ZNF483: variants seen among roughly 807,000 people sequenced by gnomAD.
The protein encoded by ZNF483 is zinc finger protein HIT-10.
A neutral mutation model predicts 28.6 loss-of-function variants in ZNF483; 9 were observed. The observed-to-expected ratio is 0.32, with a 90% CI of 0.19 to 0.55. The LOEUF is 0.55. Ranked by LOEUF, ZNF483 falls within the 20% of genes least tolerant of loss-of-function variation. The pLI, the probability that ZNF483 is intolerant of heterozygous loss-of-function variation, is 0.93. For synonymous variants in ZNF483, 322 were observed against 306.2 expected, an observed-to-expected ratio of 1.05 and a Z score of -0.54; for missense variants, 675 against 871.7, an observed-to-expected ratio of 0.77 and a Z score of 2.84.
At chr9:111,525,455 A>G in intron 1 of ZNF483, among the ~76,000 whole-genome samples, 193 bp downstream of exon 1, 1 of 152,136 alleles carries the variant, frequency 6.6e-6, no homozygotes, top group East Asian at 1.9e-4. Context: ...TCCCTGCGCC[A>G]CTTGGGCACT....
rs1271400975 is a variant in ZNF483, at chr9:111,553,815, A to G, written c.*10645A>G. ...TTCTCACTAGCCTCAAGTGACTACC[A>G]TATTAAGTTGCTCTACGCAATCCTA... On this transcript the variant is annotated 3_prime_UTR_variant, in exon 6 of 6. Transcript: ENST00000309235. Among the ~76,000 whole-genome samples, 1 of 152,254 alleles carries G rather than the reference A, an allele frequency of 6.6e-6. No homozygotes were observed. The highest frequency in any genetic ancestry group is 1.5e-5 in the Non-Finnish European group (1 of 68,048).
At chr9:111,572,473 C>T (rs1024851901) in intron 5 of ZNF483, among the ~76,000 whole-genome samples, 1 of 152,042 alleles carries the variant, frequency 6.6e-6, no homozygotes, top group Non-Finnish European at 1.5e-5. Context: ...GCCTGTAATC[C>T]CAGCTACTCA....
chr9:111,563,104 T>C (rs754164733), intron 5 of ZNF483: 1 of 1,611,312 alleles, frequency 6.2e-7, no homozygotes, highest in Non-Finnish European at 8.5e-7. Flanking sequence ...GCCTCCAGAT[T>C]CCATGTGTCC....
chr9:111,574,669 A>G, intron 5 of ZNF483: 5 of 1,080,336 alleles, frequency 4.6e-6, no homozygotes, highest in South Asian at 1.4e-5. Flanking sequence ...GGCCTATGGC[A>G]TATCTGTGAA....
intron 5 of ZNF483, among the ~76,000 whole-genome samples, chr9:111,537,030 A>G (rs1827524667): frequency 6.6e-6 from 1 of 152,182 alleles, no homozygotes; most frequent in South Asian, 2.1e-4. Flanking sequence ...TATCATGACT[A>G]TTCTGTGCTT....
rs1490355479 is a variant in ZNF483 at position 111,543,674 on chromosome 9, G to A, written c.*504G>A. ...GTATCCTGATAATCTCTGAAGCTGT[G>A]GACATAAGTTATTTTTTTTTATTTG... On this transcript the variant is annotated 3_prime_UTR_variant, in exon 6 of 6. Coordinates refer to ENST00000309235, the MANE Select transcript of ZNF483 (RefSeq NM_133464.5). 1.0e-6 allele frequency: 1 copy of A among 980,416 alleles called. No individual in the cohort carries two copies. The highest frequency in any genetic ancestry group is 1.8e-5 in the African/African-American group (1 of 57,060). 60.7% of individuals were successfully genotyped at this position (980,416 alleles called of 1,614,324 possible).
At chr9:111,541,207 A>T (rs1190096272) in intron 5 of ZNF483, among the ~76,000 whole-genome samples, 2 of 149,342 alleles carry the variant, frequency 1.3e-5, no homozygotes, top group African/African-American at 2.5e-5. Flanking sequence ...CTCCTGCCTC[A>T]GCCTCCCAAG....
At chr9:111,538,536 A>C (rs1827580407) in intron 5 of ZNF483, among the ~76,000 whole-genome samples, 1 of 151,714 alleles carries the variant, frequency 6.6e-6, no homozygotes, top group South Asian at 2.1e-4. Context: ...TGCAGTTCAA[A>C]TCTGTGTTGT....
At chr9:111,568,011 A>T (rs572859545) in intron 5 of ZNF483, among the ~76,000 whole-genome samples, 11 of 152,194 alleles carry the variant, frequency 7.2e-5, no homozygotes, top group Non-Finnish European at 1.3e-4. Context: ...CACTGTGATA[A>T]TTGTGTTAAC....
rs1227543281 is a variant in ZNF483 at position 111,547,949 on chromosome 9, T to G, written c.*4779T>G. ...TCATTTGACCATATACATGCATGTT[T>G]ATTTCTGGCTGTCTGCTCTGTTTCT... On this transcript the variant is annotated 3_prime_UTR_variant, in exon 6 of 6. Transcript: ENST00000309235. Among the ~76,000 whole-genome samples the G allele has an allele frequency of 2.0e-5, 3 of 152,230 alleles. No homozygotes were observed. The highest frequency in any genetic ancestry group is 7.2e-5 in the African/African-American group (3 of 41,472).
chr9:111,541,175 C>A (rs1254762977), intron 5 of ZNF483, among the ~76,000 whole-genome samples: 1 of 151,212 alleles, frequency 6.6e-6, no homozygotes, highest in Admixed American at 6.6e-5. Flanking sequence ...CTGTAACCTC[C>A]GCCTCCTGGG....
chr9:111,576,145 T>G (rs1390471201), intron 5 of ZNF483, among the ~76,000 whole-genome samples: 30 of 148,874 alleles, frequency 2.0e-4, no homozygotes, highest in Non-Finnish European at 3.4e-4. Flanking sequence ...GGAGACAGAG[T>G]GAGACTGGTG....
chr9:111,543,873 C>G lies in ZNF483; in HGVS notation c.*703C>G, dbSNP rs936547979. On this transcript the variant is annotated 3_prime_UTR_variant, in exon 6 of 6. Transcript: ENST00000309235. ...GGGCTCAAGTGATCCTTCCATCTCA[C>G]TTTCCTGAGTAGCTGACATTACGGG... The G allele has an allele frequency of 1.0e-6, 1 of 982,418 alleles. No homozygotes were observed. Among genetic ancestry groups the G allele is most frequent in the Non-Finnish European group, 1.2e-6 (1 of 828,012 alleles). 60.9% of individuals were successfully genotyped at this position (982,418 alleles called of 1,614,324 possible).
At chr9:111,535,478 T>C (rs1336539833) in intron 5 of ZNF483, among the ~76,000 whole-genome samples, 1 of 152,214 alleles carries the variant, frequency 6.6e-6, no homozygotes, top group African/African-American at 2.4e-5. Context: ...CCTGAATACA[T>C]AGAGTATATG....
chr9:111,537,236 T>C (rs1290495476), intron 5 of ZNF483, among the ~76,000 whole-genome samples: 1 of 152,078 alleles, frequency 6.6e-6, no homozygotes, highest in African/African-American at 2.4e-5. Flanking sequence ...CTTTTTTTTT[T>C]TTGGAGACAG....
intron 5 of ZNF483, chr9:111,576,279 C>T (rs1829051329): frequency 1.4e-6 from 2 of 1,392,204 alleles, no homozygotes; most frequent in Admixed American, 3.5e-5. Flanking sequence ...TAGTGGATTT[C>T]ATATTTGCAT....
chr9:111,569,659 G>T (rs1828723046), intron 5 of ZNF483, among the ~76,000 whole-genome samples: 1 of 152,184 alleles, frequency 6.6e-6, no homozygotes, highest in African/African-American at 2.4e-5. Flanking sequence ...TAGCTACTCG[G>T]GAGGCTGAGG....
In ZNF483 at chr9:111,543,496, CAT is replaced by C. The variant is rs767562210; in HGVS notation, c.*328_*329del. Reference sequence around the variant, plus strand: ...GATGGAGAGAACTTGACTGCAGTCACATAACTTGGATTCTGTCCCAGTTTGCC... The same window carrying C: ...GATGGAGAGAACTTGACTGCAGTCACAACTTGGATTCTGTCCCAGTTTGCC... On this transcript the variant is annotated 3_prime_UTR_variant, in exon 6 of 6. Transcript: ENST00000309235. 301 of 1,038,052 alleles carry C rather than the reference CAT, an allele frequency of 2.9e-4. No homozygotes were observed. Among genetic ancestry groups the C allele is most frequent in the Non-Finnish European group, 3.4e-4 (292 of 864,514 alleles). 64.3% of individuals were successfully genotyped at this position (1,038,052 alleles called of 1,614,324 possible). A position where few individuals can be genotyped will look rare whatever the true frequency, so the allele number is the denominator to read the frequency against.
At position 111,550,737 on chromosome 9, in the gene ZNF483, A is replaced by G. The variant is rs1479682479; in HGVS notation, c.*7567A>G. On this transcript the variant is annotated 3_prime_UTR_variant, in exon 6 of 6. Transcript: ENST00000309235. ...TCCAGCTCTACTATTAAATGTTGTG[A>G]ATGTTTTTATCTCTGCTGTCATATT... 6.6e-6 allele frequency among the ~76,000 whole-genome samples: 1 copy of G among 152,080 alleles called. No individual in the cohort carries two copies. Among genetic ancestry groups the G allele is most frequent in the Non-Finnish European group, 1.5e-5 (1 of 68,018 alleles).
Sources: gnomAD v4.1 joint callset for allele counts (sites outside exome capture counted in the v4.1 genomes callset) on GRCh38, gnomAD v4.1.1 for gene constraint, MANE v1.5 for transcripts, NCBI Gene and HGNC (gene_info 2026-07-23, HGNC 2026-07-21) for gene names.